Variants in CDK8 observed in about 807,000 individuals in gnomAD.
CDK8 encodes cyclin-dependent kinase 8.
Under a neutral mutation model 71.5 loss-of-function variants are expected in CDK8, and 29 were observed. The observed-to-expected ratio is 0.41, with a 90% CI of 0.30 to 0.55. The LOEUF (loss-of-function observed/expected upper bound fraction) is 0.55. Among genes scored for constraint, CDK8 ranks in the 20% least tolerant of loss-of-function variants. The probability of loss-of-function intolerance (pLI) is 0.37; values close to 1 mark genes in which losing one functional copy is unlikely to be tolerated. For missense variants in CDK8, 288 were observed against 572.6 expected, an observed-to-expected ratio of 0.50 and a Z score of 5.07; for synonymous variants, 161 against 192.1, an observed-to-expected ratio of 0.84 and a Z score of 1.34.
intron 1 of CDK8, among the ~76,000 whole-genome samples, chr13:26,265,054 C>G (rs1871963073): frequency 6.6e-6 from 1 of 152,022 alleles, no homozygotes; most frequent in African/African-American, 2.4e-5. Context: ...TGTAGGTATC[C>G]CCTTGATATA....
At chr13:26,380,909 C>T (rs955269484) in intron 4 of CDK8, among the ~76,000 whole-genome samples, 10 of 152,084 alleles carry the variant, frequency 6.6e-5, no homozygotes, top group African/African-American at 2.4e-4. Context: ...TTTTTTTTAA[C>T]CTAGTTCTAA....
intron 1 of CDK8, among the ~76,000 whole-genome samples, chr13:26,305,866 C>T (rs1874020661): frequency 1.3e-5 from 2 of 152,126 alleles, no homozygotes; most frequent in African/African-American, 2.4e-5. Context: ...GAATATTGTG[C>T]AATAAATATA....
chr13:26,375,282 G>T (rs1208602342), intron 4 of CDK8, among the ~76,000 whole-genome samples: 1 of 152,112 alleles, frequency 6.6e-6, no homozygotes, highest in Non-Finnish European at 1.5e-5. Flanking sequence ...TATCCATTGA[G>T]CGTGTATTAC....
At chr13:26,333,169 C>T (rs1165820927) in intron 1 of CDK8, among the ~76,000 whole-genome samples, 1 of 151,410 alleles carries the variant, frequency 6.6e-6, no homozygotes, top group African/African-American at 2.4e-5. Context: ...GACTCAGTCT[C>T]GCTCTCATCC....
intron 6 of CDK8, among the ~76,000 whole-genome samples, chr13:26,387,795 T>C (rs753456447): frequency 9.2e-5 from 14 of 152,170 alleles, no homozygotes; most frequent in Non-Finnish European, 2.1e-4. Context: ...GTGAAAATAG[T>C]ACCTTTTCAG....
Position 26,337,649 on chromosome 13 carries a change from G to T in CDK8, c.204+7G>T. ...GGCATGTAGAGAAATAGCAGTAAGT[G>T]AAGTTCTTTTTATCATCGTTATTAT... On this transcript the variant is annotated splice_region_variant and intron_variant, in intron 2 of 12. Coordinates refer to ENST00000381527, the MANE Select transcript of CDK8 (RefSeq NM_001260.3). The T allele has an allele frequency of 7.2e-7, 1 of 1,384,948 alleles. No homozygotes were observed. Among genetic ancestry groups the T allele is most frequent in the Non-Finnish European group, 9.5e-7 (1 of 1,047,644 alleles). The allele number at this position is 1,384,948 out of a possible 1,614,324, so 85.8% of individuals were successfully genotyped here.
intron 4 of CDK8, among the ~76,000 whole-genome samples, chr13:26,373,768 G>A (rs1440812001): frequency 6.6e-6 from 1 of 152,054 alleles, no homozygotes; most frequent in Non-Finnish European, 1.5e-5. Flanking sequence ...TTAAATTTGA[G>A]TAGCTAATTG....
chr13:26,289,288 C>A (rs631763), intron 1 of CDK8, among the ~76,000 whole-genome samples: 15,551 of 151,626 alleles, frequency 0.1, 890 homozygotes, highest in South Asian at 0.15. Context: ...CTCCTGACCT[C>A]GTGAACCGCC....
chr13:26,367,436 T>TA (rs1395147126), intron 4 of CDK8, among the ~76,000 whole-genome samples: 2 of 152,156 alleles, frequency 1.3e-5, no homozygotes, highest in African/African-American at 2.4e-5. Context: ...AAGCCCCTGT[T>TA]ATAGTGGACC....
chr13:26,377,838 A>G (rs1875029432), intron 4 of CDK8, among the ~76,000 whole-genome samples: 1 of 152,238 alleles, frequency 6.6e-6, no homozygotes. Flanking sequence ...GACTTTTGAA[A>G]TGTGAGATAT....
rs369258389 is a variant in CDK8, at chr13:26,280,902, C to T, written c.128+26133C>T. On this transcript the variant is annotated intron_variant, in intron 1 of 12. Coordinates refer to ENST00000381527, the MANE Select transcript of CDK8 (RefSeq NM_001260.3). ...GGACTTCTTGCTCCAGGAACCACCA[C>T]AGGAGTGTACTAGAAAAACTGAAAG... 2.1e-4 allele frequency among the ~76,000 whole-genome samples: 32 copies of T among 152,344 alleles called. No individual in the cohort carries two copies. In the East Asian group the frequency reaches 4.8e-3, roughly 23 times the overall value.
At chr13:26,257,121 T>C (rs973013755) in intron 1 of CDK8, among the ~76,000 whole-genome samples, 3 of 152,306 alleles carry the variant, frequency 2.0e-5, no homozygotes, top group African/African-American at 7.2e-5. Context: ...CTAGTATTGA[T>C]TTACTTTCAA....
chr13:26,254,702 GA>G lies in CDK8; in HGVS notation c.63del (p.Glu21AspfsTer31). ...SERERVEDLFEYEGCKVGRGT... is the reference protein window; with the variant it reads ...SERERVEDLFXYEGCKVGRGT... ...GCGGGAGCGGGTCGAGGACCTGTTT[GA>G]ATACGAGGGCTGCAAAGTTGGCCGA... is the stretch of plus-strand genomic sequence containing the variant. On this transcript the variant is annotated frameshift_variant, in exon 1 of 13. Coordinates refer to ENST00000381527, the MANE Select transcript of CDK8 (RefSeq NM_001260.3). LOFTEE classifies it high-confidence loss of function. The surrounding 1 kb of genome is among the most constrained non-coding windows in gnomAD (Gnocchi z 6.7). The G allele has an allele frequency of 6.2e-7, 1 of 1,612,580 alleles. No individual in the cohort carries two copies. Among genetic ancestry groups the G allele is most frequent in the Non-Finnish European group, 8.5e-7 (1 of 1,179,294 alleles).
At chr13:26,361,920 A>G (rs1303466346) in intron 4 of CDK8, among the ~76,000 whole-genome samples, 1 of 149,848 alleles carries the variant, frequency 6.7e-6, no homozygotes, top group Non-Finnish European at 1.5e-5. Flanking sequence ...CTGAGCCACC[A>G]CACACAGCCA....
Position 26,401,359 on chromosome 13 carries a change from A to AGTACTG in CDK8, c.1110+13_1110+18dup. 1 of 1,613,072 alleles carries AGTACTG rather than the reference A, an allele frequency of 6.2e-7. No homozygotes were observed. The highest frequency in any genetic ancestry group is 2.2e-5 in the East Asian group (1 of 44,878). On this transcript the variant is annotated intron_variant, in intron 11 of 12. Coordinates refer to ENST00000381527, the MANE Select transcript of CDK8 (RefSeq NM_001260.3). This position sits in a 1 kb window ranked among gnomAD's most constrained non-coding sequence, Gnocchi z 4.5. The stretch of plus-strand genomic sequence containing the variant: ...ACAAAGGAGACAAAGTAAGTATTAA[A>AGTACTG]GTACTGTTAGCAGCTTCTTGTTTCG...
intron 4 of CDK8, among the ~76,000 whole-genome samples, chr13:26,380,401 G>A (rs936794028): frequency 5.9e-5 from 9 of 151,990 alleles, no homozygotes; most frequent in African/African-American, 1.9e-4. Flanking sequence ...GGCTAGTCTC[G>A]AACCCCTGAC....
chr13:26,266,439 A>G (rs1872021156), intron 1 of CDK8, among the ~76,000 whole-genome samples: 1 of 152,148 alleles, frequency 6.6e-6, no homozygotes, highest in South Asian at 2.1e-4. Context: ...CAAGGTTGCC[A>G]TATTGTATAA....
intron 4 of CDK8, among the ~76,000 whole-genome samples, chr13:26,360,695 T>A: frequency 6.6e-6 from 1 of 152,216 alleles, no homozygotes; most frequent in Non-Finnish European, 1.5e-5. Flanking sequence ...CAATATTGCA[T>A]GTTTGTTGAA....
chr13:26,379,047 T>G (rs1390519133), intron 4 of CDK8, among the ~76,000 whole-genome samples: 3 of 152,208 alleles, frequency 2.0e-5, no homozygotes, highest in African/African-American at 7.2e-5. Flanking sequence ...AAGATTCCCA[T>G]TAGATTACAT....
Sources: gnomAD v4.1 joint callset for allele counts (sites outside exome capture counted in the v4.1 genomes callset) on GRCh38, gnomAD v4.1.1 for gene constraint, Gnocchi (gnomAD v3.1) non-coding constraint, MANE v1.5 for transcripts, NCBI Gene and HGNC (gene_info 2026-07-23, HGNC 2026-07-21) for gene names.